Variants in IL7 observed in about 807,000 individuals in gnomAD.
IL7 encodes the protein interleukin 7, also known as interleukin-7.
Under a neutral mutation model 21.6 loss-of-function variants are expected in IL7, and 3 were observed. The observed-to-expected ratio is 0.14, with a 90% CI of 0.06 to 0.36. IL7 has a LOEUF of 0.36. Ranked by LOEUF, IL7 falls within the 10% of genes least tolerant of loss-of-function variation. The pLI, the probability that IL7 is intolerant of heterozygous loss-of-function variation, is 1.00. For missense variants in IL7, 175 were observed against 200.2 expected (o/e 0.87, Z 0.76); for synonymous variants, 62 against 68.1 (o/e 0.91, Z 0.44).
intron 3 of IL7, among the ~76,000 whole-genome samples, chr8:78,706,389 G>A (rs1475808433): frequency 2.0e-5 from 3 of 152,154 alleles, no homozygotes; most frequent in Admixed American, 1.3e-4. Flanking sequence ...CTTTGCCTGT[G>A]CCGGAGCAGC....
intron 2 of IL7, chr8:78,762,579 C>T: frequency 2.7e-6 from 1 of 377,200 alleles, no homozygotes; most frequent in Non-Finnish European, 4.6e-6. Flanking sequence ...GGCTAGAAGC[C>T]GCCGGGTTCT....
rs574658185 is a variant in IL7 at position 78,761,645 on chromosome 8, G to T, written c.148-21563C>A. Reference sequence around the variant, plus strand: ...GTCCACTACATCGTCAGTGATAATGGAAAAGACGTGTGAGTCTCTCACTTC... The same window carrying T: ...GTCCACTACATCGTCAGTGATAATGTAAAAGACGTGTGAGTCTCTCACTTC... On this transcript the variant is annotated intron_variant, in intron 2 of 5. Coordinates refer to ENST00000263851, the MANE Select transcript of IL7 (RefSeq NM_000880.4). 41 of 1,611,980 alleles carry T rather than the reference G, an allele frequency of 2.5e-5. No individual in the cohort carries two copies. The Admixed American group carries it at 4.3e-4, about 17-fold the overall frequency.
intron 3 of IL7, among the ~76,000 whole-genome samples, chr8:78,695,964 T>A (rs1160525811): frequency 2.6e-5 from 4 of 152,194 alleles, no homozygotes; most frequent in Non-Finnish European, 4.4e-5. Flanking sequence ...TAGTAGTGCA[T>A]CTTAAATTTT....
intron 2 of IL7, among the ~76,000 whole-genome samples, chr8:78,768,288 T>C (rs1812827531): frequency 6.6e-6 from 1 of 152,156 alleles, no homozygotes; most frequent in East Asian, 1.9e-4. Flanking sequence ...ATATACCCAG[T>C]AATGGGATGG....
rs1281219048 is a variant in IL7 at position 78,760,807 on chromosome 8, T to A, written c.148-20725A>T. 9.8e-6 allele frequency: 15 copies of A among 1,537,524 alleles called. No homozygotes were observed. In the Admixed American group the frequency reaches 2.3e-4, roughly 24 times the overall value. The stretch of plus-strand genomic sequence containing the variant: ...GAATATCAAGTTTGGTTGCCAAATT[T>A]GTGGCTTCCTCAAACCAAAATTCAT... On this transcript the variant is annotated intron_variant, in intron 2 of 5. Coordinates refer to ENST00000263851, the MANE Select transcript of IL7 (RefSeq NM_000880.4).
chr8:78,706,393 G>A (rs1476595610), intron 3 of IL7, among the ~76,000 whole-genome samples: 4 of 152,098 alleles, frequency 2.6e-5, no homozygotes, highest in African/African-American at 9.7e-5. Flanking sequence ...GCCTGTGCCG[G>A]AGCAGCTGCT....
At chr8:78,798,251 T>C (rs1163223229) in intron 1 of IL7, 43 bp from the exon 2 acceptor site, 2 of 1,437,414 alleles carry the variant, frequency 1.4e-6, no homozygotes, top group Admixed American at 1.8e-5. Context: ...TGTTATATCG[T>C]ATTGCATTTG....
At chr8:78,784,446 C>T (rs1813444261) in intron 2 of IL7, among the ~76,000 whole-genome samples, 1 of 152,132 alleles carries the variant, frequency 6.6e-6, no homozygotes, top group African/African-American at 2.4e-5. Context: ...CTAACACAGT[C>T]ACTTATGTAT....
intron 2 of IL7, among the ~76,000 whole-genome samples, chr8:78,779,574 C>T (rs1477323021): frequency 6.6e-6 from 1 of 152,080 alleles, no homozygotes; most frequent in African/African-American, 2.4e-5. Context: ...GCCTTACATC[C>T]CAGAGATGAA....
chr8:78,756,556 T>C (rs920291679), intron 2 of IL7, among the ~76,000 whole-genome samples: 1 of 151,958 alleles, frequency 6.6e-6, no homozygotes, highest in Non-Finnish European at 1.5e-5. Flanking sequence ...AGGGTAGATG[T>C]ATTTAGGAAT....
downstream of IL7, among the ~76,000 whole-genome samples, chr8:78,732,312 C>G (rs557420367): frequency 6.6e-6 from 1 of 152,224 alleles, no homozygotes; most frequent in South Asian, 2.1e-4. Flanking sequence ...GTATACAATT[C>G]TATACAGCTA....
chr8:78,764,818 T>C (rs1240214280), intron 2 of IL7, among the ~76,000 whole-genome samples: 2 of 151,980 alleles, frequency 1.3e-5, no homozygotes, highest in Non-Finnish European at 2.9e-5. Context: ...TTTGTAGAAA[T>C]TGACAAATTG....
chr8:78,717,509 A>C (rs778095421), downstream of IL7: 1 of 1,554,948 alleles, frequency 6.4e-7, no homozygotes, highest in South Asian at 1.2e-5. Context: ...ATCTCAAAAA[A>C]AAAAAAAAGC....
chr8:78,795,948 G>A (rs72666867), intron 2 of IL7, among the ~76,000 whole-genome samples: 6,704 of 152,096 alleles, frequency 0.044, 211 homozygotes, highest in Middle Eastern at 0.082. Context: ...ACTTCAGTAT[G>A]AGTATGTGGA....
intron 4 of IL7, among the ~76,000 whole-genome samples, chr8:78,681,097 CTCATAGGA>C (rs1441257111): frequency 6.7e-6 from 1 of 149,974 alleles, no homozygotes; most frequent in African/African-American, 2.5e-5. Context: ...TGAAGTGGTT[CTCATAGGA>C]TCTGAGGGAA....
At chr8:78,707,320 G>A (rs1810803861) in intron 3 of IL7, among the ~76,000 whole-genome samples, 1 of 152,218 alleles carries the variant, frequency 6.6e-6, no homozygotes, top group Non-Finnish European at 1.5e-5. Context: ...GATAGGACGT[G>A]TAAAGCTGGC....
chr8:78,735,682 T>C (rs1811568796), intron 5 of IL7, among the ~76,000 whole-genome samples: 1 of 152,216 alleles, frequency 6.6e-6, no homozygotes, highest in African/African-American at 2.4e-5. Context: ...GCTTCTGTAT[T>C]CACTTCAGAT....
At chr8:78,792,731 A>G (rs1813735714) in intron 2 of IL7, among the ~76,000 whole-genome samples, 1 of 152,150 alleles carries the variant, frequency 6.6e-6, no homozygotes, top group Admixed American at 6.6e-5. Context: ...ACTATGAGAT[A>G]CTACTTCACA....
chr8:78,761,695 G>A, intron 2 of IL7: 2 of 1,611,912 alleles, frequency 1.2e-6, no homozygotes, highest in Non-Finnish European at 1.7e-6. Flanking sequence ...CTCGAATACA[G>A]CTCTCACAGA....
Sources: allele counts gnomAD v4.1 joint callset (sites outside exome capture counted in the v4.1 genomes callset), GRCh38; gene constraint gnomAD v4.1.1; transcripts MANE v1.5; gene names NCBI Gene and HGNC (gene_info 2026-07-23, HGNC 2026-07-21).